FSHR: variants seen among roughly 807,000 people sequenced by gnomAD.
FSHR encodes the protein follicle stimulating hormone receptor, also known as follicle-stimulating hormone receptor.
In FSHR, 46 loss-of-function variants were observed where a neutral mutation model predicts 52.1. That is an observed-to-expected ratio of 0.88 (90% CI 0.70 to 1.13). The LOEUF (loss-of-function observed/expected upper bound fraction) is 1.13. Ranked by LOEUF, FSHR falls within the 50% of genes most tolerant of loss-of-function variation. The pLI is 0.00. For missense variants in FSHR, 964 were observed against 834.6 expected, an observed-to-expected ratio of 1.16 and a Z score of -1.91; for synonymous variants, 399 against 309.6, an observed-to-expected ratio of 1.29 and a Z score of -3.03.
intron 1 of FSHR, among the ~76,000 whole-genome samples, chr2:49,069,428 C>G (rs1669646469): frequency 6.6e-6 from 1 of 152,112 alleles, no homozygotes; most frequent in African/African-American, 2.4e-5. Flanking sequence ...GATAATCTCC[C>G]AAACTTGGCC....
chr2:49,011,445 C>A (rs1324346581), intron 4 of FSHR, among the ~76,000 whole-genome samples: 1 of 151,968 alleles, frequency 6.6e-6, no homozygotes, highest in Non-Finnish European at 1.5e-5. Flanking sequence ...AGCTTGACTT[C>A]CAAGTATGTG....
intron 1 of FSHR, among the ~76,000 whole-genome samples, chr2:49,071,923 G>T (rs568245629): frequency 6.6e-6 from 1 of 152,146 alleles, no homozygotes; most frequent in African/African-American, 2.4e-5. Flanking sequence ...TGAGGGATCT[G>T]CCCCCGTGAC....
chr2:49,016,554 A>G (rs1401932011), intron 4 of FSHR, among the ~76,000 whole-genome samples: 3 of 152,174 alleles, frequency 2.0e-5, no homozygotes, highest in South Asian at 2.1e-4. Flanking sequence ...AATTGAGGCC[A>G]TCCAGAGTGG....
intron 2 of FSHR, among the ~76,000 whole-genome samples, chr2:49,021,319 G>A (rs367783892): frequency 1.3e-5 from 2 of 152,066 alleles, no homozygotes; most frequent in South Asian, 2.1e-4. Flanking sequence ...TGAGGAGAGA[G>A]GGCAGCTTAA....
intron 2 of FSHR, among the ~76,000 whole-genome samples, chr2:49,045,100 C>A (rs150530296): frequency 6.6e-6 from 1 of 151,766 alleles, no homozygotes; most frequent in African/African-American, 2.4e-5. Context: ...GTTTTTTTTC[C>A]CCATAATCTA....
intron 2 of FSHR, among the ~76,000 whole-genome samples, chr2:49,022,360 A>G (rs1467046839): frequency 6.6e-6 from 1 of 152,170 alleles, no homozygotes; most frequent in Non-Finnish European, 1.5e-5. Context: ...CTTCAAAGAC[A>G]GTACCAGGTG....
intron 1 of FSHR, among the ~76,000 whole-genome samples, chr2:49,084,442 A>T (rs995589803): frequency 6.6e-6 from 1 of 152,218 alleles, no homozygotes; most frequent in Non-Finnish European, 1.5e-5. Flanking sequence ...GGAACTAGAA[A>T]AGCAAGAGCA....
intron 9 of FSHR, among the ~76,000 whole-genome samples, chr2:48,964,948 G>T (rs1051764512): frequency 2.0e-5 from 3 of 151,420 alleles, no homozygotes; most frequent in East Asian, 1.9e-4. Context: ...GGAAGCAAAG[G>T]CTTGTGGAAT....
Position 49,102,474 on chromosome 2 carries a change from G to A in FSHR, c.153-34184C>T, listed in dbSNP as rs182155013. Among the ~76,000 whole-genome samples, 4 of 152,262 alleles carry A rather than the reference G, an allele frequency of 2.6e-5. No homozygotes were observed. In the East Asian group the frequency reaches 5.8e-4, roughly 22 times the overall value. ...TCAGCCAGGAGGTCAAAATCAAGACGTATGGTGTTTACAAAAATGTGAGAC... is the reference window on the plus strand; with the variant it reads ...TCAGCCAGGAGGTCAAAATCAAGACATATGGTGTTTACAAAAATGTGAGAC... On this transcript the variant is annotated intron_variant, in intron 1 of 9. Coordinates refer to ENST00000406846, the MANE Select transcript of FSHR (RefSeq NM_000145.4).
At chr2:48,997,171 T>C in intron 4 of FSHR, 22 of 956,508 alleles carry the variant, frequency 2.3e-5, no homozygotes, top group Non-Finnish European at 2.7e-5. Flanking sequence ...ACCAAACAGT[T>C]CACTTACCTT....
intron 1 of FSHR, among the ~76,000 whole-genome samples, chr2:49,086,974 G>T (rs951534973): frequency 6.6e-6 from 1 of 151,196 alleles, no homozygotes; most frequent in Non-Finnish European, 1.5e-5. Context: ...TGATTTTCAC[G>T]TGTGGTCAAT....
At chr2:49,067,105 C>A (rs1475429318) in intron 2 of FSHR, among the ~76,000 whole-genome samples, 1 of 152,034 alleles carries the variant, frequency 6.6e-6, no homozygotes, top group Non-Finnish European at 1.5e-5. Flanking sequence ...ACGTAAGCCC[C>A]TTTTTAAAAC....
intron 1 of FSHR, among the ~76,000 whole-genome samples, chr2:49,112,279 A>T (rs1044809872): frequency 1.2e-4 from 19 of 152,216 alleles, no homozygotes; most frequent in South Asian, 1.0e-3. Context: ...GGGAAATGCC[A>T]TTTTTTTCCC....
chr2:49,141,409 A>G (rs1275841477), intron 1 of FSHR, among the ~76,000 whole-genome samples: 1 of 152,070 alleles, frequency 6.6e-6, no homozygotes. Flanking sequence ...TCATAATGAA[A>G]GTTGAAGGAG....
chr2:49,134,043 G>A (rs1382039706), intron 1 of FSHR, among the ~76,000 whole-genome samples: 1 of 152,162 alleles, frequency 6.6e-6, no homozygotes, highest in Non-Finnish European at 1.5e-5. Context: ...AAAAGCGATG[G>A]CAACAAAAGC....
At chr2:49,079,806 A>G (rs988070566) in intron 1 of FSHR, among the ~76,000 whole-genome samples, 1 of 152,154 alleles carries the variant, frequency 6.6e-6, no homozygotes, top group African/African-American at 2.4e-5. Flanking sequence ...GTCTGTTCAG[A>G]AGACTTTTTT....
intron 8 of FSHR, among the ~76,000 whole-genome samples, chr2:48,979,262 T>C (rs1333472600): frequency 6.6e-6 from 1 of 151,926 alleles, no homozygotes; most frequent in Non-Finnish European, 1.5e-5. Flanking sequence ...CTTGGCAACA[T>C]AGTGAGACCC....
chr2:49,030,964 G>A (rs993434406), intron 2 of FSHR, among the ~76,000 whole-genome samples: 15 of 152,210 alleles, frequency 9.9e-5, no homozygotes, highest in Non-Finnish European at 1.2e-4. Context: ...AGAGAAAAAC[G>A]CCATCATTCT....
chr2:49,090,466 G>C (rs964878954), intron 1 of FSHR, among the ~76,000 whole-genome samples: 1 of 152,166 alleles, frequency 6.6e-6, no homozygotes, highest in African/African-American at 2.4e-5. Context: ...TTTTGCTGCT[G>C]AGTAGTATTC....
Sources: gnomAD v4.1 joint callset for allele counts (sites outside exome capture counted in the v4.1 genomes callset) on GRCh38, gnomAD v4.1.1 for gene constraint, MANE v1.5 for transcripts, NCBI Gene and HGNC (gene_info 2026-07-23, HGNC 2026-07-21) for gene names.